WNK3: variants seen among roughly 807,000 people sequenced by gnomAD.
WNK3 encodes serine/threonine-protein kinase WNK3.
Under a neutral mutation model 116.7 loss-of-function variants are expected in WNK3, and 18 were observed. The ratio of observed to expected loss-of-function variants is 0.15; its 90% CI spans 0.11 to 0.23. The LOEUF (loss-of-function observed/expected upper bound fraction) is 0.23. WNK3 is among the 10% of genes least tolerant of loss of function. The probability of loss-of-function intolerance (pLI) is 1.00; values close to 1 mark genes in which losing one functional copy is unlikely to be tolerated. For synonymous variants in WNK3, 404 were observed against 469.4 expected (o/e 0.86, Z 1.80); for missense variants, 993 against 1,323.8 (o/e 0.75, Z 3.88).
intron 1 of WNK3, among the ~76,000 whole-genome samples, chrX:54,340,326 A>T (rs1261443138): frequency 9.0e-6 from 1 of 110,776 alleles, no homozygotes; most frequent in Non-Finnish European, 1.9e-5. Context: ...GAACTCAATA[A>T]TGGCCGGGTG....
At chrX:54,220,977 T>C (rs1468609818) in intron 22 of WNK3, among the ~76,000 whole-genome samples, 1 of 111,762 alleles carries the variant, frequency 8.9e-6, no homozygotes, top group African/African-American at 3.3e-5. Flanking sequence ...TTCCTTCTTA[T>C]TTTCTACTCA....
At chrX:54,286,017 A>C (rs1432114901) in intron 10 of WNK3, among the ~76,000 whole-genome samples, 1 of 111,664 alleles carries the variant, frequency 9.0e-6, no homozygotes, top group Non-Finnish European at 1.9e-5. Flanking sequence ...TGTTAGGTAT[A>C]TGGGTGTTCA....
At chrX:54,290,184 G>A (rs2068623746) in intron 10 of WNK3, among the ~76,000 whole-genome samples, 1 of 110,594 alleles carries the variant, frequency 9.0e-6, no homozygotes, top group South Asian at 3.9e-4. Context: ...GCTGAGGTGG[G>A]AGAATCGCTT....
intron 10 of WNK3, among the ~76,000 whole-genome samples, chrX:54,263,398 T>C (rs1406177834): frequency 8.9e-6 from 1 of 112,169 alleles, no homozygotes; most frequent in Non-Finnish European, 1.9e-5. Context: ...CTAATCCTAA[T>C]AAGCCTGCAA....
intron 2 of WNK3, among the ~76,000 whole-genome samples, chrX:54,330,486 C>T (rs1458337983): frequency 4.5e-5 from 5 of 110,752 alleles, no homozygotes; most frequent in South Asian, 3.8e-4. Flanking sequence ...GAGCCCAGGA[C>T]GTTAAGGCTT....
At chrX:54,302,731 C>CTCTCTCTCTCTATA (rs1285084720) in intron 5 of WNK3, among the ~76,000 whole-genome samples, 1 of 35,535 alleles carries the variant, frequency 2.8e-5, no homozygotes, top group Admixed American at 3.9e-4. Flanking sequence ...CTCTCTCTCT[C>CTCTCTCTCTCTATA]TATATATATA....
At chrX:54,283,865 G>GA (rs782302268) in intron 10 of WNK3, among the ~76,000 whole-genome samples, 4,663 of 86,998 alleles carry the variant, frequency 0.054, 158 homozygotes, top group Non-Finnish European at 0.082. Context: ...ATTCCTAGAG[G>GA]AAAAAAAAAA....
In WNK3 at chrX:54,257,371, A is replaced by G. The variant is rs970939372; in HGVS notation, c.2103-1484T>C. ...GCCCAGCAGTGGGGGCCAGGGGTTC[A>G]GGTGAACAAAACAAACCAGAATAGC... On this transcript the variant is annotated intron_variant, in intron 11 of 23. Transcript: ENST00000354646. 7.2e-5 allele frequency among the ~76,000 whole-genome samples: 8 copies of G among 111,363 alleles called. No individual in the cohort carries two copies. In the Admixed American group the frequency reaches 7.7e-4, roughly 11 times the overall value.
intron 20 of WNK3, 134 bp from the exon 21 acceptor site, chrX:54,233,154 A>G: frequency 1.0e-5 from 5 of 479,693 alleles, no homozygotes; most frequent in South Asian, 3.7e-5. Flanking sequence ...ACTAGGCACA[A>G]TGGCTTACAT....
At chrX:54,336,153 G>A (rs1030925514) in intron 1 of WNK3, among the ~76,000 whole-genome samples, 1 of 111,171 alleles carries the variant, frequency 9.0e-6, no homozygotes, top group East Asian at 2.8e-4. Flanking sequence ...ACCAGGCATG[G>A]TGGCAGGTGC....
intron 1 of WNK3, among the ~76,000 whole-genome samples, chrX:54,334,494 A>C (rs1373177215): frequency 3.6e-5 from 4 of 112,025 alleles, no homozygotes; most frequent in African/African-American, 1.3e-4. Flanking sequence ...GGCCTATTTC[A>C]CTTAGTATAA....
At chrX:54,246,884 A>T (rs1557152800) in intron 17 of WNK3, among the ~76,000 whole-genome samples, 1 of 111,747 alleles carries the variant, frequency 8.9e-6, no homozygotes, top group Non-Finnish European at 1.9e-5. Flanking sequence ...GGTCTAGAGT[A>T]AAAACAGGTT....
chrX:54,282,771 T>C (rs1284483310), intron 10 of WNK3, among the ~76,000 whole-genome samples: 3 of 111,783 alleles, frequency 2.7e-5, no homozygotes, highest in South Asian at 7.5e-4. Context: ...TCCACATGGA[T>C]AGAATGAAAT....
chrX:54,276,018 T>C (rs1178227661), intron 10 of WNK3, among the ~76,000 whole-genome samples: 1 of 110,139 alleles, frequency 9.1e-6, no homozygotes, highest in Non-Finnish European at 1.9e-5. Flanking sequence ...ATGCACCAAA[T>C]AAGAGCTTCA....
intron 10 of WNK3, among the ~76,000 whole-genome samples, chrX:54,290,112 C>T (rs1031266011): frequency 9.0e-6 from 1 of 111,154 alleles, no homozygotes; most frequent in Non-Finnish European, 1.9e-5. Context: ...CCCATCTCTA[C>T]TAAAAATACA....
chrX:54,312,188 G>T (rs1557169807), intron 2 of WNK3, among the ~76,000 whole-genome samples: 1 of 109,495 alleles, frequency 9.1e-6, no homozygotes, highest in African/African-American at 3.3e-5. Flanking sequence ...AGCTGGGTGT[G>T]GTGGTGCATG....
At chrX:54,206,801 G>A (rs1432887265) in intron 22 of WNK3, among the ~76,000 whole-genome samples, 1 of 111,941 alleles carries the variant, frequency 8.9e-6, no homozygotes, top group Non-Finnish European at 1.9e-5. Context: ...AGGCCGAGGT[G>A]GCTGGATCAC....
At chrX:54,275,080 C>T (rs782771236) in intron 10 of WNK3, among the ~76,000 whole-genome samples, 45 of 106,611 alleles carry the variant, frequency 4.2e-4, no homozygotes, top group African/African-American at 1.0e-3. Flanking sequence ...TTTGGGAGGC[C>T]GAGGCAGGGA....
At chrX:54,229,627 T>C (rs1191782384) in intron 21 of WNK3, among the ~76,000 whole-genome samples, 1 of 110,995 alleles carries the variant, frequency 9.0e-6, no homozygotes, top group East Asian at 2.8e-4. Flanking sequence ...TAAAAGTTGC[T>C]ATAAAACTAC....
Sources: allele counts gnomAD v4.1 joint callset (sites outside exome capture counted in the v4.1 genomes callset), GRCh38; gene constraint gnomAD v4.1.1; transcripts MANE v1.5; gene names NCBI Gene and HGNC (gene_info 2026-07-23, HGNC 2026-07-21).